Variants in CSF2RA observed in about 807,000 individuals in gnomAD.
CSF2RA encodes granulocyte-macrophage colony-stimulating factor receptor subunit alpha.
Under a neutral mutation model 51.6 loss-of-function variants are expected in CSF2RA, and 42 were observed. The ratio of observed to expected loss-of-function variants is 0.81; its 90% CI spans 0.64 to 1.05. The LOEUF (loss-of-function observed/expected upper bound fraction) is 1.05. Among genes scored for constraint, CSF2RA ranks in the 50% least tolerant of loss-of-function variants. CSF2RA has a pLI of 0.00. For synonymous variants in CSF2RA, 222 were observed against 193.0 expected (o/e 1.15, Z -1.24); for missense variants, 530 against 501.1 (o/e 1.06, Z -0.55).
At chrX:1,295,717 G>A (rs2091877149) in intron 9 of CSF2RA, 2 of 647,926 alleles carry the variant, frequency 3.1e-6, no homozygotes, top group Non-Finnish European at 2.8e-6. Flanking sequence ...AGTGTAAGGA[G>A]GAGGAGACCC....
chrX:1,268,974 G>C (rs1267397839), intron 1 of CSF2RA, 95 bp downstream of exon 1: 11 of 434,424 alleles, frequency 2.5e-5, no homozygotes, highest in Non-Finnish European at 2.3e-5. Context: ...GAAAGAGACT[G>C]AACTGGAACA....
the CSF2RA span, among the ~76,000 whole-genome samples, chrX:1,325,127 G>A: frequency 3.3e-5 from 5 of 151,320 alleles, no homozygotes; most frequent in South Asian, 4.2e-4. Context: ...TTGGGAGGCC[G>A]AGACGGGCGG....
chrX:1,315,821 TAGATAGATG>T, the CSF2RA span, among the ~76,000 whole-genome samples: 42,472 of 143,746 alleles, frequency 0.3, 6,533 homozygotes, highest in Middle Eastern at 0.39. Flanking sequence ...ATAGATAGAT[TAGATAGATG>T]AATGGATAAA....
chrX:1,290,255 G>C (rs1399388136), intron 6 of CSF2RA, 82 bp from the exon 7 acceptor site: 12 of 1,137,602 alleles, frequency 1.1e-5, no homozygotes, highest in Admixed American at 3.8e-5. Flanking sequence ...GTTTTGTTTT[G>C]TGTTTGTTTT....
Position 1,294,542 on chromosome X carries a change from G to GA in CSF2RA, c.780+83dup, listed in dbSNP as rs1408155387. ...CGCACAGGAGCCTGGGAATCCCGGG[G>GA]AAGTGGCCTGGGGGAAGGATGCGTG... On this transcript the variant is annotated intron_variant, in intron 8 of 12. Transcript: ENST00000381529. 2.7e-5 allele frequency: 43 copies of GA among 1,584,950 alleles called. 1 individual carries two copies. In the East Asian group the frequency reaches 9.2e-4, roughly 34 times the overall value.
chrX:1,320,549 G>C, the CSF2RA span, among the ~76,000 whole-genome samples: 1 of 149,776 alleles, frequency 6.7e-6, no homozygotes, highest in Non-Finnish European at 1.5e-5. Flanking sequence ...CCAGGCCGGA[G>C]TGCCATGGCG....
At chrX:1,312,462 T>TG (rs1294710987), downstream of CSF2RA, among the ~76,000 whole-genome samples, 1 of 152,076 alleles carries the variant, frequency 6.6e-6, no homozygotes, top group Non-Finnish European at 1.5e-5. Flanking sequence ...GTCTCCCACA[T>TG]GGAATTAGGA....
chrX:1,280,952 CCTCCTCCTCCTTCTCCTCCTCCTGCTT>C (rs2089898983), intron 2 of CSF2RA, among the ~76,000 whole-genome samples: 2 of 127,424 alleles, frequency 1.6e-5, no homozygotes, highest in Admixed American at 7.9e-5. Flanking sequence ...TCCTGCTTCT[CCTCCTCCTCCTTCTCCTCCTCCTGCTT>C]CTCCTCCTCC....
the CSF2RA span, among the ~76,000 whole-genome samples, chrX:1,317,670 T>C: frequency 6.6e-6 from 1 of 151,250 alleles, no homozygotes; most frequent in Non-Finnish European, 1.5e-5. Flanking sequence ...CAAATTTCTG[T>C]AACGTGCACG....
chrX:1,313,497 G>A (rs1173225808), downstream of CSF2RA, among the ~76,000 whole-genome samples: 1 of 150,020 alleles, frequency 6.7e-6, no homozygotes, highest in Non-Finnish European at 1.5e-5. Context: ...GATCATTTGA[G>A]GTCAGAGTTC....
At chrX:1,314,262 C>CACAGCATCTGCCCAACCA (rs1569514701), downstream of CSF2RA, among the ~76,000 whole-genome samples, 2 of 23,672 alleles carry the variant, frequency 8.4e-5, no homozygotes, top group South Asian at 1.3e-3. Context: ...CTGCCCAACC[C>CACAGCATCTGCCCAACCA]CACTGCGCCT....
chrX:1,268,917 G>A, intron 1 of CSF2RA, 38 bp downstream of exon 1: 1 of 453,896 alleles, frequency 2.2e-6, no homozygotes, highest in South Asian at 1.6e-5. Flanking sequence ...CTTTGAGCAT[G>A]TCGAGTCACC....
chrX:1,304,583 G>C (rs778180394), intron 11 of CSF2RA, among the ~76,000 whole-genome samples: 45 of 151,892 alleles, frequency 3.0e-4, no homozygotes, highest in African/African-American at 1.1e-3. Flanking sequence ...GAGCTCCAGA[G>C]GGGAAACGCC....
At chrX:1,274,684 G>T (rs750619715) in intron 1 of CSF2RA, 71 bp from the exon 2 acceptor site, 3 of 449,952 alleles carry the variant, frequency 6.7e-6, no homozygotes, top group South Asian at 1.6e-5. Flanking sequence ...TGCGAGGCAG[G>T]TTTGCCTAAG....
chrX:1,292,639 A>T (rs1287473195), intron 7 of CSF2RA, among the ~76,000 whole-genome samples: 1 of 152,130 alleles, frequency 6.6e-6, no homozygotes, highest in Non-Finnish European at 1.5e-5. Flanking sequence ...CCACACAAAC[A>T]TCAGTGTAGC....
chrX:1,285,318 G>A (rs1156991372), intron 3 of CSF2RA, among the ~76,000 whole-genome samples: 4 of 142,494 alleles, frequency 2.8e-5, no homozygotes, highest in South Asian at 2.3e-4. Context: ...GATGTGGGAC[G>A]TCCTGGGGCC....
intron 2 of CSF2RA, among the ~76,000 whole-genome samples, chrX:1,276,740 T>C (rs2089237559): frequency 6.6e-6 from 1 of 152,068 alleles, no homozygotes; most frequent in Non-Finnish European, 1.5e-5. Flanking sequence ...GAAATGTATT[T>C]TAAAGTGGCA....
downstream of CSF2RA, among the ~76,000 whole-genome samples, chrX:1,310,841 G>A (rs1168757203): frequency 6.6e-6 from 1 of 152,066 alleles, no homozygotes; most frequent in Non-Finnish European, 1.5e-5. Context: ...GTGGGACCTG[G>A]CAGGAGGTGT....
At chrX:1,290,223 T>C (rs1437309445) in intron 6 of CSF2RA, 114 bp from the exon 7 acceptor site, 5 of 875,154 alleles carry the variant, frequency 5.7e-6, no homozygotes, top group African/African-American at 1.7e-5. Context: ...TTGTTTTGTG[T>C]TTTTGTGTTT....
Sources: allele counts gnomAD v4.1 joint callset (sites outside exome capture counted in the v4.1 genomes callset), GRCh38; gene constraint gnomAD v4.1.1; transcripts MANE v1.5; gene names NCBI Gene and HGNC (gene_info 2026-07-23, HGNC 2026-07-21).